The following STXBP5L variants were observed in gnomAD, a reference collection of about 807,000 sequenced individuals.
The protein encoded by STXBP5L is syntaxin binding protein 5L, also known as syntaxin-binding protein 5-like.
STXBP5L carries 65 observed loss-of-function variants against 144.5 expected under a neutral mutation model. That is an observed-to-expected ratio of 0.45 (90% confidence interval 0.37 to 0.55). The LOEUF is 0.55. Among genes scored for constraint, STXBP5L ranks in the 20% least tolerant of loss-of-function variants. The probability of loss-of-function intolerance (pLI) is 0.00; values close to 1 mark genes in which losing one functional copy is unlikely to be tolerated. For synonymous variants in STXBP5L, 505 were observed against 469.6 expected, an observed-to-expected ratio of 1.08 and a Z score of -0.97; for missense variants, 1,298 against 1,405.5, an observed-to-expected ratio of 0.92 and a Z score of 1.22.
intron 20 of STXBP5L, among the ~76,000 whole-genome samples, chr3:121,366,360 A>G (rs1244880767): frequency 6.6e-6 from 1 of 152,014 alleles, no homozygotes; most frequent in African/African-American, 2.4e-5. Context: ...TGAATTGTAC[A>G]ACTATTATAG....
intron 20 of STXBP5L, among the ~76,000 whole-genome samples, chr3:121,365,977 A>T (rs1051654296): frequency 1.3e-5 from 2 of 151,544 alleles, no homozygotes; most frequent in African/African-American, 4.8e-5. Context: ...GTTTTCATTT[A>T]TCTCTAATTA....
At chr3:121,278,954 C>G (rs949171611) in intron 18 of STXBP5L, among the ~76,000 whole-genome samples, 2 of 151,078 alleles carry the variant, frequency 1.3e-5, no homozygotes, top group African/African-American at 2.4e-5. Context: ...GTGGAAAGAA[C>G]CATTTTAAGA....
chr3:121,189,714 G>T (rs1327493631), intron 9 of STXBP5L, among the ~76,000 whole-genome samples: 2 of 151,692 alleles, frequency 1.3e-5, no homozygotes, highest in Non-Finnish European at 2.9e-5. Context: ...GGCTTTTTTT[G>T]GTTCCATATG....
chr3:121,263,519 C>T (rs1269288574), intron 18 of STXBP5L, among the ~76,000 whole-genome samples: 1 of 152,094 alleles, frequency 6.6e-6, no homozygotes, highest in African/African-American at 2.4e-5. Flanking sequence ...ATAACAAACT[C>T]CTCTGAGCTA....
chr3:121,124,281 C>T (rs2044605243), intron 7 of STXBP5L, among the ~76,000 whole-genome samples: 2 of 151,668 alleles, frequency 1.3e-5, no homozygotes. Flanking sequence ...TCTGAATTAT[C>T]TTGGCTATTT....
chr3:120,983,352 G>A (rs1453013781), intron 3 of STXBP5L, among the ~76,000 whole-genome samples: 1 of 152,086 alleles, frequency 6.6e-6, no homozygotes, highest in Non-Finnish European at 1.5e-5. Flanking sequence ...AGCAGTTATG[G>A]GGTGCTCAGT....
intron 18 of STXBP5L, among the ~76,000 whole-genome samples, chr3:121,259,500 C>T (rs1195318228): frequency 6.6e-6 from 1 of 151,974 alleles, no homozygotes; most frequent in African/African-American, 2.4e-5. Context: ...TTAGAGTTCA[C>T]TAACTCCCTC....
chr3:121,093,968 T>C (rs1188441226), intron 5 of STXBP5L, among the ~76,000 whole-genome samples: 1 of 152,230 alleles, frequency 6.6e-6, no homozygotes, highest in Non-Finnish European at 1.5e-5. Context: ...TCTGGTACGT[T>C]GTGTCTTTGT....
intron 5 of STXBP5L, among the ~76,000 whole-genome samples, chr3:121,069,706 T>A (rs1451174322): frequency 6.6e-6 from 1 of 152,180 alleles, no homozygotes; most frequent in Non-Finnish European, 1.5e-5. Flanking sequence ...TCTCTGATTT[T>A]TTTTCTAAAA....
chr3:121,296,307 T>G (rs1183419497), intron 19 of STXBP5L, among the ~76,000 whole-genome samples: 1 of 152,220 alleles, frequency 6.6e-6, no homozygotes, highest in Non-Finnish European at 1.5e-5. Flanking sequence ...GAATACCTAC[T>G]AATGTCAGTA....
At chr3:121,300,321 A>T (rs890321856) in intron 19 of STXBP5L, among the ~76,000 whole-genome samples, 13 of 152,170 alleles carry the variant, frequency 8.5e-5, no homozygotes, top group Non-Finnish European at 1.8e-4. Context: ...ACGATGGAAA[A>T]TTAGGAATAC....
At chr3:121,095,421 A>T (rs986957563) in intron 5 of STXBP5L, among the ~76,000 whole-genome samples, 1 of 152,204 alleles carries the variant, frequency 6.6e-6, no homozygotes, top group Admixed American at 6.5e-5. Context: ...TTTCAGTTAC[A>T]CCAATCAGAT....
At chr3:121,168,120 G>A (rs1434564435) in intron 9 of STXBP5L, among the ~76,000 whole-genome samples, 1 of 152,104 alleles carries the variant, frequency 6.6e-6, no homozygotes, top group African/African-American at 2.4e-5. Context: ...CTGACAAACA[G>A]AAAGGAAGAG....
intron 5 of STXBP5L, among the ~76,000 whole-genome samples, chr3:121,086,009 A>G (rs746142037): frequency 6.6e-6 from 1 of 152,184 alleles, no homozygotes; most frequent in African/African-American, 2.4e-5. Flanking sequence ...TCTCAGAAAT[A>G]AGACCACACA....
chr3:121,007,452 T>C, intron 3 of STXBP5L, among the ~76,000 whole-genome samples: 1 of 152,020 alleles, frequency 6.6e-6, no homozygotes. Context: ...TGTGTGAAAT[T>C]AGTGTTTTTT....
intron 9 of STXBP5L, among the ~76,000 whole-genome samples, chr3:121,178,937 A>G (rs746084788): frequency 8.5e-5 from 13 of 152,112 alleles, no homozygotes; most frequent in Admixed American, 2.0e-4. Flanking sequence ...TTATAGTGGG[A>G]ATAAACCCCC....
intron 5 of STXBP5L, among the ~76,000 whole-genome samples, chr3:121,079,557 T>A (rs2042166525): frequency 6.6e-6 from 1 of 152,244 alleles, no homozygotes; most frequent in African/African-American, 2.4e-5. Context: ...TAAGTTATAG[T>A]TGATTTTATT....
At chr3:121,416,064 C>A in intron 25 of STXBP5L, 96 bp downstream of exon 25, 1 of 883,188 alleles carries the variant, frequency 1.1e-6, no homozygotes, top group Non-Finnish European at 1.7e-6. Context: ...TATGTGATCT[C>A]AAATTCTAGA....
intron 3 of STXBP5L, among the ~76,000 whole-genome samples, chr3:120,960,796 A>T (rs936217092): frequency 2.0e-5 from 3 of 152,090 alleles, no homozygotes; most frequent in Non-Finnish European, 2.9e-5. Context: ...GCATTAGGAG[A>T]TATACGTAAT....
Sources: allele counts gnomAD v4.1 joint callset (sites outside exome capture counted in the v4.1 genomes callset), GRCh38; gene constraint gnomAD v4.1.1; transcripts MANE v1.5; gene names NCBI Gene and HGNC (gene_info 2026-07-23, HGNC 2026-07-21).